The following WDR75 variants were observed in gnomAD, a reference collection of about 807,000 sequenced individuals.
WDR75 encodes the protein WD repeat domain 75.
WDR75 carries 52 observed loss-of-function variants against 106.1 expected under a neutral mutation model. The observed-to-expected ratio is 0.49, with a 90% CI of 0.39 to 0.62. WDR75 has a LOEUF of 0.62. Ranked by LOEUF, WDR75 falls within the 20% of genes least tolerant of loss-of-function variation. The pLI is 0.00. For synonymous variants in WDR75, 333 were observed against 335.5 expected, an observed-to-expected ratio of 0.99 and a Z score of 0.08; for missense variants, 905 against 970.3, an observed-to-expected ratio of 0.93 and a Z score of 0.89.
intron 13 of WDR75, among the ~76,000 whole-genome samples, chr2:189,467,257 A>AAGTT (rs147691621): frequency 0.065 from 9,835 of 152,220 alleles, 484 homozygotes; most frequent in African/African-American, 0.14. Flanking sequence ...ACTGTAATAA[A>AAGTT]AAGTGAATAT....
In WDR75 at chr2:189,441,561, G is replaced by C. The variant is rs2106105859; in HGVS notation, c.69G>C (p.Val23=). The C allele has an allele frequency of 1.3e-6, 2 of 1,560,160 alleles. No homozygotes were observed. The highest frequency in any genetic ancestry group is 2.4e-5 in the East Asian group (1 of 41,996). Residue 23 remains valine (V), a synonymous_variant, in exon 1 of 21, where the codon GTG becomes GTC. Transcript: ENST00000314761. ...GCGAGTTGAACTTTAGGAGAGCTGT[G>C]TTCTCTGCAGATTCTAAGTATGAGG... ...GGSELNFRRA[V]FSADSKYIFC...
In WDR75 at chr2:189,470,190, C is replaced by G; in HGVS notation, c.1934C>G (p.Ser645Ter). ...CGAGATGTCCCTGAATCCTTCACCT[C>G]AGAAGCTTACCAGTGGCTAAATAGA... ...VPRDVPESFT[S>*]EAYQWLNRSQ... The change falls in exon 17 of 21, where the codon TCA becomes TGA. Residue 645 changes from serine to a stop codon, truncating the protein, a stop_gained. Transcript: ENST00000314761. LOFTEE classifies it high-confidence loss of function. 1 of 1,613,516 alleles carries G rather than the reference C, an allele frequency of 6.2e-7. No homozygotes were observed. Among genetic ancestry groups the G allele is most frequent in the Non-Finnish European group, 8.5e-7 (1 of 1,179,604 alleles).
chr2:189,454,011 T>C (rs972263830), intron 4 of WDR75, among the ~76,000 whole-genome samples: 11 of 152,260 alleles, frequency 7.2e-5, no homozygotes, highest in Non-Finnish European at 1.5e-4. Context: ...AATACTGTTA[T>C]GATTGCACAA....
intron 2 of WDR75, chr2:189,449,206 T>C: frequency 7.8e-7 from 1 of 1,278,790 alleles, no homozygotes; most frequent in Non-Finnish European, 1.0e-6. Flanking sequence ...ATTTTGTTCT[T>C]GCTCTTATTT....
chr2:189,452,979 T>C (rs1196805493), intron 4 of WDR75, among the ~76,000 whole-genome samples: 1 of 152,072 alleles, frequency 6.6e-6, no homozygotes, highest in Non-Finnish European at 1.5e-5. Context: ...AGGCAACATA[T>C]ACCATGGCCC....
In WDR75 at chr2:189,455,348, G is replaced by A; in HGVS notation, c.402G>A (p.Leu134=). Residue 134 remains leucine, a synonymous_variant, in exon 5 of 21, where the codon CTG becomes CTA. Coordinates refer to ENST00000314761, the MANE Select transcript of WDR75 (RefSeq NM_032168.3). ...PDIFQLVSVK[L]PKSSSQEVEA... is the part of the protein sequence containing the mutation. ...TATTTCAGCTGGTTTCAGTGAAACT[G>A]CCAAAATCCTCAAGCCAGGAAGTAG... 6.2e-7 allele frequency: 1 copy of A among 1,614,050 alleles called. No individual in the cohort carries two copies. The highest frequency in any genetic ancestry group is 2.2e-5 in the East Asian group (1 of 44,870).
At chr2:189,469,284 T>C in intron 15 of WDR75, 60 bp from the exon 16 acceptor site, 1 of 1,378,588 alleles carries the variant, frequency 7.3e-7, no homozygotes, top group Admixed American at 1.7e-5. Context: ...TAAGAGAAGT[T>C]TTTTAAAGCT....
At position 189,451,658 on chromosome 2, in the gene WDR75, G is replaced by A. The variant is rs557872259; in HGVS notation, c.283-147G>A. On this transcript the variant is annotated intron_variant, in intron 3 of 20. Transcript: ENST00000314761. Reference sequence around the variant, plus strand: ...ACTCGAAAGAGTATTTAACAAATATGTATTAGTTGTCTTCTGTAGGCCAGG... The same window carrying A: ...ACTCGAAAGAGTATTTAACAAATATATATTAGTTGTCTTCTGTAGGCCAGG... 3.1e-4 allele frequency: 197 copies of A among 627,366 alleles called. No individual in the cohort carries two copies. In the African/African-American group the frequency reaches 3.3e-3, roughly 11 times the overall value. 38.9% of individuals were successfully genotyped at this position (627,366 alleles called of 1,614,324 possible).
chr2:189,463,617 AG>A (rs1686943407), intron 9 of WDR75, 76 bp from the exon 10 acceptor site: 2 of 1,402,480 alleles, frequency 1.4e-6, no homozygotes, highest in African/African-American at 2.9e-5. Flanking sequence ...CTGCATAAAA[AG>A]CCACCCTGAG....
In WDR75 at chr2:189,441,503, A is replaced by C; in HGVS notation, c.11A>C (p.Glu4Ala). 3.2e-6 allele frequency: 5 copies of C among 1,564,098 alleles called. No individual in the cohort carries two copies. Among genetic ancestry groups the C allele is most frequent in the African/African-American group, 1.4e-5 (1 of 73,906 alleles). Reference protein sequence around the residue: MVEEENIRVVRCGG... With the variant: MVEAENIRVVRCGG... ...CGCTACTGCGCAAAGATGGTGGAGG[A>C]GGAGAACATCCGCGTGGTTCGTTGT... The change falls in exon 1 of 21, where the codon GAG becomes GCG. Residue 4 changes from glutamate (E) to alanine (A), a missense_variant. Physicochemically the swap from Glu to Ala is moderately radical, Grantham distance 107. Transcript: ENST00000314761.
At position 189,474,308 on chromosome 2, in the gene WDR75, A is replaced by G. The variant is rs747266240; in HGVS notation, c.2172A>G (p.Thr724=). The G allele has an allele frequency of 6.2e-7, 1 of 1,612,180 alleles. No homozygotes were observed. Among genetic ancestry groups the G allele is most frequent in the Admixed American group, 1.7e-5 (1 of 59,660 alleles). The change falls in exon 19 of 21, where the codon ACA becomes ACG. Residue 724 remains threonine, a synonymous_variant. Transcript: ENST00000314761. The stretch of plus-strand genomic sequence containing the variant: ...ATGAGCTGGTACAACTACCCTTAAC[A>G]GAAAACATACCCGCAATTAGTGAGG... ...LENELVQLPL[T]ENIPAISELL... is the part of the protein sequence containing the mutation.
At chr2:189,445,096 G>A (rs1320151017) in intron 1 of WDR75, among the ~76,000 whole-genome samples, 1 of 152,170 alleles carries the variant, frequency 6.6e-6, no homozygotes, top group African/African-American at 2.4e-5. Flanking sequence ...AGTGCTTGCT[G>A]TGTATGCTAA....
intron 8 of WDR75, 104 bp downstream of exon 8, chr2:189,459,528 A>T: frequency 9.2e-7 from 1 of 1,083,128 alleles, no homozygotes. Context: ...CATGAGCCAA[A>T]TGAATTCCAA....
chr2:189,475,184 G>T (rs1315786454), intron 20 of WDR75, 29 bp from the exon 21 acceptor site: 1 of 1,510,386 alleles, frequency 6.6e-7, no homozygotes, highest in East Asian at 2.3e-5. Context: ...ATTTAATAGT[G>T]TTTATATTTT....
chr2:189,472,079 T>A (rs1457093019), intron 18 of WDR75, among the ~76,000 whole-genome samples: 1 of 152,220 alleles, frequency 6.6e-6, no homozygotes, highest in African/African-American at 2.4e-5. Flanking sequence ...GTTAATTATT[T>A]ACTGTACGCC....
At chr2:189,455,828 A>AG (rs147031486) in intron 5 of WDR75, among the ~76,000 whole-genome samples, 9,871 of 152,256 alleles carry the variant, frequency 0.065, 499 homozygotes, top group African/African-American at 0.14. Context: ...ATCTCTTTCT[A>AG]GGCTTTTTTC....
intron 8 of WDR75, 80 bp downstream of exon 8, chr2:189,459,504 A>G (rs1333761876): frequency 1.4e-6 from 2 of 1,380,450 alleles, no homozygotes; most frequent in Admixed American, 3.8e-5. Context: ...TTTAGTTTGG[A>G]AGATTTAAAA....
chr2:189,467,728 G>T, intron 14 of WDR75, 80 bp downstream of exon 14: 1 of 1,338,224 alleles, frequency 7.5e-7, no homozygotes, highest in Middle Eastern at 2.8e-4. Context: ...AGTCATTTAT[G>T]CCCTCTCCAA....
At chr2:189,455,092 T>G (rs1686704435) in intron 4 of WDR75, among the ~76,000 whole-genome samples, 1 of 151,892 alleles carries the variant, frequency 6.6e-6, no homozygotes, top group South Asian at 2.1e-4. Flanking sequence ...AATACAAAAA[T>G]TAGCCAGGCT....
Sources: gnomAD v4.1 joint callset for allele counts (sites outside exome capture counted in the v4.1 genomes callset) on GRCh38, gnomAD v4.1.1 for gene constraint, MANE v1.5 for transcripts, NCBI Gene and HGNC (gene_info 2026-07-23, HGNC 2026-07-21) for gene names.